The following ZFY variants were observed in gnomAD, a reference collection of about 807,000 sequenced individuals.
ZFY encodes the protein zinc finger protein Y-linked, also known as zinc finger Y-chromosomal protein.
For missense variants in ZFY, 113 were observed against 170.9 expected, an observed-to-expected ratio of 0.66 and a Z score of 1.89; for synonymous variants, 47 against 55.8, an observed-to-expected ratio of 0.84 and a Z score of 0.71.
At chrY:2,941,934 CTGTGTG>C (rs376986249) in intron 1 of ZFY, among the ~76,000 whole-genome samples, 390 of 27,462 alleles carry the variant, frequency 0.014, no homozygotes, top group Admixed American at 0.11. Flanking sequence ...CCAATATAAA[CTGTGTG>C]TGTGTGTGTG....
intron 2 of ZFY, among the ~76,000 whole-genome samples, chrY:2,958,795 T>G (rs2051300831): frequency 8.8e-5 from 3 of 34,133 alleles, no homozygotes; most frequent in African/African-American, 3.4e-4. Flanking sequence ...TTAACTGAAT[T>G]TTAAATGAAC....
At chrY:2,955,719 GCTT>G (rs2051291267) in intron 2 of ZFY, among the ~76,000 whole-genome samples, 3 of 33,557 alleles carry the variant, frequency 8.9e-5, no homozygotes, top group African/African-American at 3.5e-4. Context: ...AGCTAGCAGT[GCTT>G]CTTTTGAAAA....
At chrY:2,972,260 G>A (rs767693463) in intron 3 of ZFY, among the ~76,000 whole-genome samples, 148 of 32,738 alleles carry the variant, frequency 4.5e-3, no homozygotes, top group African/African-American at 0.017. Flanking sequence ...TACATCTTGT[G>A]TTTAAGTAGT....
intron 1 of ZFY, among the ~76,000 whole-genome samples, chrY:2,942,177 A>G (rs758080647): frequency 3.2e-5 from 1 of 31,216 alleles, no homozygotes; most frequent in Admixed American, 3.0e-4. Context: ...GCTGGTCTTG[A>G]AATCCTGAGC....
chrY:2,948,296 G>A (rs2051267953), intron 1 of ZFY, among the ~76,000 whole-genome samples: 2 of 33,604 alleles, frequency 6.0e-5, no homozygotes, highest in Non-Finnish European at 1.5e-4. Flanking sequence ...GGAAAATAGG[G>A]TTGGTCATAC....
chrY:2,969,093 C>T, intron 3 of ZFY, among the ~76,000 whole-genome samples: 1 of 33,772 alleles, frequency 3.0e-5, no homozygotes, highest in Non-Finnish European at 7.3e-5. Flanking sequence ...AATGCAGCAA[C>T]TTAGGCAAGT....
intron 6 of ZFY, 158 bp from the exon 7 acceptor site, chrY:2,977,780 CAA>C: frequency 9.8e-5 from 1 of 10,250 alleles, no homozygotes; most frequent in Non-Finnish European, 1.4e-4. Flanking sequence ...GACTCTGTCT[CAA>C]AAAAAAAAAA....
intron 1 of ZFY, among the ~76,000 whole-genome samples, chrY:2,948,230 C>T: frequency 5.9e-5 from 2 of 33,726 alleles, no homozygotes; most frequent in African/African-American, 2.3e-4. Flanking sequence ...TCTTCTTTTG[C>T]CATAGTGTGT....
chrY:2,973,779 T>C (rs913828882), intron 3 of ZFY, among the ~76,000 whole-genome samples: 1 of 33,372 alleles, frequency 3.0e-5, no homozygotes, highest in African/African-American at 1.2e-4. Flanking sequence ...GGTTGTATTT[T>C]TGGTATTTAC....
At chrY:2,972,216 C>CA (rs2051350244) in intron 3 of ZFY, among the ~76,000 whole-genome samples, 1 of 32,745 alleles carries the variant, frequency 3.1e-5, no homozygotes, top group African/African-American at 1.2e-4. Flanking sequence ...CCAAAATAGA[C>CA]AAAAAAACTC....
chrY:2,964,979 T>C, intron 3 of ZFY, among the ~76,000 whole-genome samples: 1 of 33,118 alleles, frequency 3.0e-5, no homozygotes, highest in South Asian at 6.9e-4. Flanking sequence ...CAGTGAGTTA[T>C]GATTATGCTA....
chrY:2,942,478 A>C, intron 1 of ZFY, among the ~76,000 whole-genome samples: 1 of 26,121 alleles, frequency 3.8e-5, no homozygotes, highest in African/African-American at 1.6e-4. Flanking sequence ...TCATGGCTCA[A>C]TGCAGCCTTG....
chrY:2,977,511 C>A, intron 6 of ZFY, among the ~76,000 whole-genome samples: 2 of 32,942 alleles, frequency 6.1e-5, no homozygotes, highest in Non-Finnish European at 1.5e-4. Context: ...CCAGGTGTGG[C>A]TCTTGCCTGT....
At chrY:2,940,806 T>TG in intron 1 of ZFY, among the ~76,000 whole-genome samples, 1 of 33,613 alleles carries the variant, frequency 3.0e-5, no homozygotes, top group East Asian at 7.7e-4. Flanking sequence ...CCTTTTCAGA[T>TG]GTCTGTGAGA....
At chrY:2,950,491 A>G (rs2051275059) in intron 1 of ZFY, among the ~76,000 whole-genome samples, 2 of 33,407 alleles carry the variant, frequency 6.0e-5, no homozygotes, top group African/African-American at 1.2e-4. Context: ...CCTTATCAAA[A>G]TTGTGTTAAT....
intron 3 of ZFY, among the ~76,000 whole-genome samples, chrY:2,964,453 A>G (rs2051320045): frequency 3.0e-5 from 1 of 33,350 alleles, no homozygotes; most frequent in Non-Finnish European, 7.4e-5. Context: ...ATATGACAGA[A>G]AGTTATGGAA....
chrY:2,952,995 G>GA (rs2051283327), intron 1 of ZFY, among the ~76,000 whole-genome samples: 1 of 33,136 alleles, frequency 3.0e-5, no homozygotes, highest in Non-Finnish European at 7.4e-5. Context: ...TAAATATAGA[G>GA]ATGTAATACA....
intron 1 of ZFY, among the ~76,000 whole-genome samples, chrY:2,951,985 C>G (rs772304604): frequency 3.5e-5 from 1 of 28,367 alleles, no homozygotes; most frequent in South Asian, 8.7e-4. Context: ...GTGGCACGAT[C>G]TCGGCCCACT....
chrY:2,976,929 C>T, intron 6 of ZFY, 107 bp downstream of exon 6: 1 of 190,927 alleles, frequency 5.2e-6, no homozygotes, highest in Non-Finnish European at 8.3e-6. Context: ...GTAATCCCAG[C>T]ACTTTGGGAG....
Sources: gnomAD v4.1 joint callset for allele counts (sites outside exome capture counted in the v4.1 genomes callset) on GRCh38, gnomAD v4.1.1 for gene constraint, MANE v1.5 for transcripts, NCBI Gene and HGNC (gene_info 2026-07-23, HGNC 2026-07-21) for gene names.